The following EBF3 variants were observed in gnomAD, a reference collection of about 807,000 sequenced individuals.
The protein encoded by EBF3 is EBF transcription factor 3, also known as transcription factor COE3.
Under a neutral mutation model 77.1 loss-of-function variants are expected in EBF3, and 18 were observed. The observed-to-expected ratio is 0.23, with a 90% confidence interval of 0.16 to 0.35. The LOEUF (loss-of-function observed/expected upper bound fraction) is 0.35, where lower values mean the gene tolerates loss of function less well. EBF3 is among the 10% of genes least tolerant of loss of function. EBF3 has a pLI of 1.00. For synonymous variants in EBF3, 350 were observed against 343.5 expected (o/e 1.02, Z -0.21); for missense variants, 558 against 860.0 (o/e 0.65, Z 4.39).
At chr10:129,913,787 C>T (rs914602278) in intron 6 of EBF3, among the ~76,000 whole-genome samples, 1 of 152,250 alleles carries the variant, frequency 6.6e-6, no homozygotes, top group Non-Finnish European at 1.5e-5. Context: ...ATGGAAGGCC[C>T]CGTGCCAACC....
At chr10:129,846,917 C>CG (rs1850506946) in intron 11 of EBF3, among the ~76,000 whole-genome samples, 1 of 152,024 alleles carries the variant, frequency 6.6e-6, no homozygotes, top group Admixed American at 6.5e-5. Flanking sequence ...TTCTGTCCCC[C>CG]GGGGAGGCAG....
intron 6 of EBF3, among the ~76,000 whole-genome samples, chr10:129,907,318 C>A (rs1855215343): frequency 6.6e-6 from 1 of 152,212 alleles, no homozygotes; most frequent in South Asian, 2.1e-4. Context: ...ATATTCACTG[C>A]TGATCAAAGT....
intron 6 of EBF3, among the ~76,000 whole-genome samples, chr10:129,917,464 C>T (rs575004034): frequency 6.6e-6 from 1 of 151,466 alleles, no homozygotes; most frequent in East Asian, 1.9e-4. Flanking sequence ...TCAGGAAAAC[C>T]CCACTAGGAA....
Position 129,879,279 on chromosome 10 carries a change from C to T in EBF3, c.555-1430G>A, listed in dbSNP as rs1244815099. On this transcript the variant is annotated intron_variant, in intron 6 of 16. Coordinates refer to ENST00000440978, the MANE Select transcript of EBF3 (RefSeq NM_001375380.1). The surrounding 1 kb of genome is among the most constrained non-coding windows in gnomAD (Gnocchi z 4.7). ...TTGGGTCTGTGCTGAAACACCCACTCTCTGCACGTGGCCAAGCATCCTGTC... is the reference window on the plus strand; with the variant it reads ...TTGGGTCTGTGCTGAAACACCCACTTTCTGCACGTGGCCAAGCATCCTGTC... Among the ~76,000 whole-genome samples the T allele has an allele frequency of 6.6e-6, 1 of 152,206 alleles. No individual in the cohort carries two copies. The highest frequency in any genetic ancestry group is 1.5e-5 in the Non-Finnish European group (1 of 68,044).
rs1025979799 is a variant in EBF3 at position 129,842,939 on chromosome 10, G to A, written c.1194+198C>T. On this transcript the variant is annotated intron_variant, in intron 12 of 16. Coordinates refer to ENST00000440978, the MANE Select transcript of EBF3 (RefSeq NM_001375380.1). This position sits in a 1 kb window ranked among gnomAD's most constrained non-coding sequence, Gnocchi z 4.4. ...GCTGTGACAAGTTTTTTCTGCTTTT[G>A]GGTCCTGACACCAACTCATCATTTC... 1.3e-5 allele frequency among the ~76,000 whole-genome samples: 2 copies of A among 152,096 alleles called. No individual in the cohort carries two copies. The highest frequency in any genetic ancestry group is 2.9e-5 in the Non-Finnish European group (2 of 68,034).
In EBF3 at chr10:129,915,637, C is replaced by T. The variant is rs531646568; in HGVS notation, c.555-37788G>A. ...TGGGCGAGCACAGCCGCCGAGAGTG[C>T]GGGAAAGCTGTGCCCACAGATGGCC... On this transcript the variant is annotated intron_variant, in intron 6 of 16. Coordinates refer to ENST00000440978, the MANE Select transcript of EBF3 (RefSeq NM_001375380.1). Among the ~76,000 whole-genome samples, 12 of 152,268 alleles carry T rather than the reference C, an allele frequency of 7.9e-5. No individual in the cohort carries two copies. The East Asian group carries it at 1.7e-3, about 22-fold the overall frequency.
intron 3 of EBF3, 89 bp downstream of exon 3, chr10:129,962,853 T>C: frequency 1.3e-6 from 2 of 1,496,012 alleles, no homozygotes; most frequent in African/African-American, 2.8e-5. Context: ...ATCCATGTCA[T>C]TTTAATCTCA....
chr10:129,922,805 C>T (rs1175210815), intron 6 of EBF3, among the ~76,000 whole-genome samples: 1 of 152,218 alleles, frequency 6.6e-6, no homozygotes, highest in Non-Finnish European at 1.5e-5. Context: ...TCTTACACAA[C>T]CCAGCACACA....
intron 10 of EBF3, among the ~76,000 whole-genome samples, chr10:129,860,992 C>T (rs900194364): frequency 6.6e-5 from 10 of 152,342 alleles, no homozygotes; most frequent in South Asian, 6.2e-4. Context: ...ATAGCACAAA[C>T]GGTGTGTCTC....
At chr10:129,894,890 G>T (rs938509182) in intron 6 of EBF3, among the ~76,000 whole-genome samples, 1 of 152,220 alleles carries the variant, frequency 6.6e-6, no homozygotes, top group Non-Finnish European at 1.5e-5. Context: ...TCTCCTGCTG[G>T]TGACTTCCTA....
intron 4 of EBF3, among the ~76,000 whole-genome samples, chr10:129,960,056 C>A (rs1027875688): frequency 2.0e-5 from 3 of 149,250 alleles, no homozygotes; most frequent in African/African-American, 7.4e-5. Flanking sequence ...AGCTGGGGAT[C>A]GGGAGCCGCC....
intron 6 of EBF3, among the ~76,000 whole-genome samples, chr10:129,889,627 C>CA (rs1853868097): frequency 6.6e-6 from 1 of 152,168 alleles, no homozygotes; most frequent in African/African-American, 2.4e-5. Context: ...TAAGAGAAGA[C>CA]AGATGCAGGG....
chr10:129,842,104 A>G lies in EBF3; in HGVS notation c.1372+12T>C, dbSNP rs1850106535. On this transcript the variant is annotated intron_variant, in intron 13 of 16. Transcript: ENST00000440978. The surrounding 1 kb of genome is among the most constrained non-coding windows in gnomAD (Gnocchi z 4.4). The stretch of plus-strand genomic sequence containing the variant: ...CGTTCAGGGCAGGGGTCCTCCCAGC[A>G]TGCTGGCATACCTTGGTCGTTGGCT... The G allele has an allele frequency of 6.2e-7, 1 of 1,614,166 alleles. No homozygotes were observed.
At chr10:129,843,015 C>T (rs1850194941) in intron 12 of EBF3, 122 bp downstream of exon 12, 1 of 914,742 alleles carries the variant, frequency 1.1e-6, no homozygotes, top group Non-Finnish European at 1.7e-6. Context: ...TCACATCAGA[C>T]TCCTGTGGAG....
chr10:129,876,822 A>C (rs1032739317), intron 7 of EBF3, among the ~76,000 whole-genome samples: 5 of 152,050 alleles, frequency 3.3e-5, no homozygotes, highest in Admixed American at 3.3e-4. Context: ...TCATTCACAA[A>C]AAAGGCAAGA....
intron 15 of EBF3, 51 bp downstream of exon 15, chr10:129,840,190 ATCCC>A: frequency 1.1e-6 from 1 of 932,198 alleles, no homozygotes; most frequent in African/African-American, 1.7e-5. Flanking sequence ...CCCCACTCCC[ATCCC>A]CACCCCTGGA....
intron 6 of EBF3, among the ~76,000 whole-genome samples, chr10:129,911,033 C>T (rs537086525): frequency 1.3e-5 from 2 of 152,352 alleles, no homozygotes; most frequent in African/African-American, 2.4e-5. Context: ...TGGGTACCAC[C>T]GCCCACTGCC....
intron 6 of EBF3, among the ~76,000 whole-genome samples, 183 bp downstream of exon 6, chr10:129,957,075 G>A (rs199894501): frequency 1.3e-5 from 2 of 152,146 alleles, no homozygotes; most frequent in Admixed American, 1.3e-4. Flanking sequence ...CCCACAGAGC[G>A]AGCCACCAGG....
chr10:129,915,146 G>T (rs1409617630), intron 6 of EBF3, among the ~76,000 whole-genome samples: 1 of 152,154 alleles, frequency 6.6e-6, no homozygotes, highest in African/African-American at 2.4e-5. Flanking sequence ...AGGGATGAGG[G>T]AGAAGAAACT....
Sources: allele counts gnomAD v4.1 joint callset (sites outside exome capture counted in the v4.1 genomes callset), GRCh38; gene constraint gnomAD v4.1.1; non-coding constraint Gnocchi (gnomAD v3.1); transcripts MANE v1.5; gene names NCBI Gene and HGNC (gene_info 2026-07-23, HGNC 2026-07-21).